The following ARHGEF10L variants were observed in gnomAD, a reference collection of about 807,000 sequenced individuals.
The protein encoded by ARHGEF10L is rho guanine nucleotide exchange factor 10-like protein.
In ARHGEF10L, 69 loss-of-function variants were observed where a neutral mutation model predicts 141.2. The ratio of observed to expected loss-of-function variants is 0.49; its 90% confidence interval spans 0.40 to 0.60. ARHGEF10L has a LOEUF of 0.60. ARHGEF10L is among the 20% of genes least tolerant of loss of function. The pLI is 0.00. For missense variants in ARHGEF10L, 1,482 were observed against 1,734.3 expected (o/e 0.85, Z 2.58); for synonymous variants, 711 against 718.5 (o/e 0.99, Z 0.17).
chr1:17,687,497 C>T, intron 26 of ARHGEF10L, 76 bp from the exon 27 acceptor site: 1 of 1,527,470 alleles, frequency 6.5e-7, no homozygotes, highest in Non-Finnish European at 9.0e-7. Context: ...GAATGGCTGG[C>T]CCAGGGGTGG....
chr1:17,558,733 C>G lies in ARHGEF10L; in HGVS notation c.-44+18783C>G, dbSNP rs373866675. Among the ~76,000 whole-genome samples the G allele has an allele frequency of 1.3e-5, 2 of 152,286 alleles. No homozygotes were observed. The highest frequency in any genetic ancestry group is 6.8e-3 in the Middle Eastern group (2 of 294). On this transcript the variant is annotated intron_variant, in intron 1 of 28. Coordinates refer to ENST00000361221, the MANE Select transcript of ARHGEF10L (RefSeq NM_018125.4). This position sits in a 1 kb window ranked among gnomAD's most constrained non-coding sequence, Gnocchi z 4.2. Reference sequence around the variant, plus strand: ...GGTCTGGGCCTCAGTAGATGCTTAGCCAACATGAGTTGTCAGTGAATGGGG... The same window carrying G: ...GGTCTGGGCCTCAGTAGATGCTTAGGCAACATGAGTTGTCAGTGAATGGGG...
chr1:17,683,147 G>T (rs1209920704), intron 26 of ARHGEF10L, among the ~76,000 whole-genome samples: 1 of 142,952 alleles, frequency 7.0e-6, no homozygotes, highest in African/African-American at 2.6e-5. Flanking sequence ...TCTCACCGCG[G>T]TGCTCACTGC....
chr1:17,556,161 G>C (rs1469879052), intron 1 of ARHGEF10L, among the ~76,000 whole-genome samples: 1 of 90,586 alleles, frequency 1.1e-5, no homozygotes, highest in African/African-American at 4.3e-5. Context: ...TGGGGGGCCT[G>C]GGAGCATTGG....
At chr1:17,581,375 AT>A (rs1338261996) in intron 2 of ARHGEF10L, among the ~76,000 whole-genome samples, 2 of 151,642 alleles carry the variant, frequency 1.3e-5, no homozygotes, top group African/African-American at 4.8e-5. Context: ...TAACAAAATT[AT>A]TCGTCGTTTA....
At chr1:17,572,233 G>A (rs1376038111) in intron 1 of ARHGEF10L, among the ~76,000 whole-genome samples, 2 of 152,338 alleles carry the variant, frequency 1.3e-5, no homozygotes, top group South Asian at 2.1e-4. Flanking sequence ...AGAGGAGAAC[G>A]CCTTGTACTG....
the ARHGEF10L span, among the ~76,000 whole-genome samples, chr1:17,516,584 T>G: frequency 6.6e-6 from 1 of 152,012 alleles, no homozygotes; most frequent in Non-Finnish European, 1.5e-5. Flanking sequence ...GCCTTCCCGG[T>G]GGGTGAGATG....
rs546862166 is a variant in ARHGEF10L, at chr1:17,621,820, C to T, written c.943-44C>T. On this transcript the variant is annotated intron_variant, in intron 10 of 28. Transcript: ENST00000361221. This position sits in a 1 kb window ranked among gnomAD's most constrained non-coding sequence, Gnocchi z 4.1. ...CCCTTCCTGTCACTTGGGCCCTGTG[C>T]AGCAGGTGTCATGTGCGCTGACCGT... 1.4e-5 allele frequency: 18 copies of T among 1,331,720 alleles called. No individual in the cohort carries two copies. Among genetic ancestry groups the T allele is most frequent in the Middle Eastern group, 1.9e-4 (1 of 5,184 alleles). The allele number at this position is 1,331,720 out of a possible 1,614,324, so 82.5% of individuals were successfully genotyped here. A position where few individuals can be genotyped will look rare whatever the true frequency, so the allele number is the denominator to read the frequency against.
At position 17,648,660 on chromosome 1, in the gene ARHGEF10L, G is replaced by C. The variant is rs946929788; in HGVS notation, c.2379G>C (p.Arg793=). The C allele has an allele frequency of 6.2e-7, 1 of 1,612,564 alleles. No homozygotes were observed. The highest frequency in any genetic ancestry group is 1.3e-5 in the African/African-American group (1 of 74,898). The stretch of plus-strand genomic sequence containing the variant: ...GCTGCATCCCTGCCTTCTCCTCCCG[G>C]GCACTCAGCCTGCAGGTGAGTGGAG... ...LACCIPAFSS[R]ALSLQLGALV... is the part of the protein sequence containing the mutation. Residue 793 remains arginine (R), a synonymous_variant, in exon 22 of 29, where the codon CGG becomes CGC. Coordinates refer to ENST00000361221, the MANE Select transcript of ARHGEF10L (RefSeq NM_018125.4).
At chr1:17,565,616 C>T (rs180844190) in intron 1 of ARHGEF10L, among the ~76,000 whole-genome samples, 135 of 152,314 alleles carry the variant, frequency 8.9e-4, no homozygotes, top group African/African-American at 3.1e-3. Context: ...TTCTGGACCG[C>T]CAGTGGCTGT....
At chr1:17,568,419 G>A (rs1004604745) in intron 1 of ARHGEF10L, among the ~76,000 whole-genome samples, 3 of 152,134 alleles carry the variant, frequency 2.0e-5, no homozygotes, top group African/African-American at 4.8e-5. Flanking sequence ...AGCTGGGATC[G>A]AGCACAGAGC....
In ARHGEF10L at chr1:17,603,523, T is replaced by A; in HGVS notation, c.365T>A (p.Phe122Tyr). 1 of 1,613,650 alleles carries A rather than the reference T, an allele frequency of 6.2e-7. No individual in the cohort carries two copies. Among genetic ancestry groups the A allele is most frequent in the Non-Finnish European group, 8.5e-7 (1 of 1,179,796 alleles). Residue 122 changes from phenylalanine (F) to tyrosine (Y), a missense_variant, in exon 6 of 29, where the codon TTC (phenylalanine) becomes TAC (tyrosine). Physicochemically the swap from Phe to Tyr is conservative, Grantham distance 22. Around this residue, in one of 3 missense-constraint regions of ARHGEF10L, gnomAD observed 232 missense variants for 225.9 expected, o/e 1.03. Transcript: ENST00000361221. This position sits in a 1 kb window ranked among gnomAD's most constrained non-coding sequence, Gnocchi z 4.8. ...KSSRRIDRFTFPALEEDVIYD... is the reference protein window; with the variant it reads ...KSSRRIDRFTYPALEEDVIYD... The stretch of plus-strand genomic sequence containing the variant: ...TCCCTCCCAGTTGACCGGTTCACTT[T>A]CCCCGCCCTGGAAGAGGATGTGATT...
At chr1:17,582,863 C>T (rs968731546) in intron 2 of ARHGEF10L, among the ~76,000 whole-genome samples, 1 of 152,128 alleles carries the variant, frequency 6.6e-6, no homozygotes, top group East Asian at 1.9e-4. Flanking sequence ...CCTTCCCCCT[C>T]CCTGCCCACT....
chr1:17,685,014 C>T (rs563016749), intron 26 of ARHGEF10L, among the ~76,000 whole-genome samples: 2 of 152,214 alleles, frequency 1.3e-5, no homozygotes, highest in East Asian at 1.9e-4. Flanking sequence ...GGCTTAGCTC[C>T]GCATGGAGAC....
chr1:17,632,066 T>G (rs2060724733), intron 15 of ARHGEF10L, among the ~76,000 whole-genome samples: 1 of 152,208 alleles, frequency 6.6e-6, no homozygotes, highest in Admixed American at 6.5e-5. Context: ...AAGGGGGCAC[T>G]GGCTGCTGGG....
chr1:17,578,697 ATGGGGGC>A (rs2078331095), intron 1 of ARHGEF10L, among the ~76,000 whole-genome samples: 1 of 152,144 alleles, frequency 6.6e-6, no homozygotes, highest in Non-Finnish European at 1.5e-5. Context: ...GTACCTATCG[ATGGGGGC>A]TATATAAATT....
chr1:17,612,821 G>A (rs771099752), intron 7 of ARHGEF10L, among the ~76,000 whole-genome samples: 8 of 152,220 alleles, frequency 5.3e-5, no homozygotes, highest in Non-Finnish European at 1.0e-4. Context: ...CCCTGCTGCA[G>A]AGACCCGGCC....
intron 26 of ARHGEF10L, among the ~76,000 whole-genome samples, chr1:17,680,278 C>T (rs1275834871): frequency 6.6e-6 from 1 of 152,220 alleles, no homozygotes; most frequent in Non-Finnish European, 1.5e-5. Context: ...GCTGGCAGCC[C>T]CTGAGAGCCC....
chr1:17,609,895 C>T (rs1209141286), intron 7 of ARHGEF10L, among the ~76,000 whole-genome samples: 1 of 151,998 alleles, frequency 6.6e-6, no homozygotes, highest in Non-Finnish European at 1.5e-5. Flanking sequence ...TTATGAAGCC[C>T]CCACTCCCCC....
chr1:17,648,723 T>C (rs1276220378), intron 22 of ARHGEF10L, 48 bp downstream of exon 22: 2 of 1,594,726 alleles, frequency 1.3e-6, no homozygotes, highest in Non-Finnish European at 8.6e-7. Flanking sequence ...TGGCTGCGGC[T>C]CCCCCTCGCC....
Sources: allele counts gnomAD v4.1 joint callset (sites outside exome capture counted in the v4.1 genomes callset), GRCh38; gene constraint gnomAD v4.1.1; regional missense constraint gnomAD v4.1.1; non-coding constraint Gnocchi (gnomAD v3.1); transcripts MANE v1.5; gene names NCBI Gene and HGNC (gene_info 2026-07-23, HGNC 2026-07-21).